The following B3GAT2 variants were observed in gnomAD, a reference collection of about 807,000 sequenced individuals.
The protein encoded by B3GAT2 is beta-1,3-glucuronyltransferase 2, also known as galactosylgalactosylxylosylprotein 3-beta-glucuronosyltransferase 2.
Under a neutral mutation model 27.8 loss-of-function variants are expected in B3GAT2, and 26 were observed. That is an observed-to-expected ratio of 0.93 (90% CI 0.68 to 1.30). B3GAT2 has a LOEUF of 1.30. B3GAT2 is among the 50% of genes most tolerant of loss of function. B3GAT2 has a pLI of 0.00. For missense variants in B3GAT2, 458 were observed against 459.0 expected (o/e 1.00, Z 0.02); for synonymous variants, 218 against 195.1 (o/e 1.12, Z -0.98).
At chr6:70,937,879 CAT>C (rs1487081388) in intron 1 of B3GAT2, among the ~76,000 whole-genome samples, 1 of 152,086 alleles carries the variant, frequency 6.6e-6, no homozygotes, top group East Asian at 1.9e-4. Context: ...TCCTATTCAA[CAT>C]AGTGTTGGAA....
In B3GAT2 at chr6:70,944,212, AGACAGTGGGCGCAG is replaced by A. The variant is rs554661915; in HGVS notation, c.591+11613_591+11626del. 6.4e-3 allele frequency among the ~76,000 whole-genome samples: 974 copies of A among 152,268 alleles called. 6 individuals are homozygous for A. Among genetic ancestry groups the A allele is most frequent in the Non-Finnish European group, 0.011 (768 of 68,024 alleles). The stretch of plus-strand genomic sequence containing the variant: ...CGGGTTCATCTCACTAGGGAGTGCC[AGACAGTGGGCGCAG>A]GACAGTGGGTGCAGCACACCGTGCC... On this transcript the variant is annotated intron_variant, in intron 1 of 3. Transcript: ENST00000230053.
intron 2 of B3GAT2, among the ~76,000 whole-genome samples, chr6:70,863,171 T>C (rs778864048): frequency 1.1e-4 from 17 of 152,192 alleles, no homozygotes; most frequent in Non-Finnish European, 2.2e-4. Context: ...GAGTTGAAGC[T>C]CCGGGCACCA....
At chr6:70,945,659 T>C (rs879079131) in intron 1 of B3GAT2, among the ~76,000 whole-genome samples, 1 of 147,418 alleles carries the variant, frequency 6.8e-6, no homozygotes, top group Non-Finnish European at 1.5e-5. Flanking sequence ...CACGATATTA[T>C]CCAGGAGAAT....
At chr6:70,955,770 A>G (rs9455275) in intron 1 of B3GAT2, 69 bp downstream of exon 1, 635,707 of 1,464,124 alleles carry the variant, frequency 0.43, 141,133 homozygotes, top group Admixed American at 0.62. Context: ...GGGGCGTGTG[A>G]CTGCAGCCCG....
chr6:70,912,109 G>A (rs1772698257), intron 1 of B3GAT2, among the ~76,000 whole-genome samples: 1 of 151,944 alleles, frequency 6.6e-6, no homozygotes, highest in South Asian at 2.1e-4. Flanking sequence ...TTCCTATTTG[G>A]ATGCCTTTTC....
chr6:70,925,378 G>C (rs1380606440), intron 1 of B3GAT2, among the ~76,000 whole-genome samples: 1 of 152,320 alleles, frequency 6.6e-6, no homozygotes, highest in East Asian at 1.9e-4. Context: ...CAAGGGGTCA[G>C]GGAATTCCCT....
intron 2 of B3GAT2, among the ~76,000 whole-genome samples, chr6:70,882,136 G>A (rs1017307328): frequency 6.6e-6 from 1 of 152,190 alleles, no homozygotes; most frequent in Non-Finnish European, 1.5e-5. Context: ...GGAAGACAAC[G>A]AGGAAAGCTT....
At chr6:70,897,931 G>A (rs909889112) in intron 1 of B3GAT2, among the ~76,000 whole-genome samples, 5 of 151,944 alleles carry the variant, frequency 3.3e-5, no homozygotes, top group African/African-American at 1.2e-4. Context: ...TATATGTATG[G>A]GTTTATTTCT....
intron 1 of B3GAT2, among the ~76,000 whole-genome samples, chr6:70,924,989 C>A (rs372448321): frequency 6.6e-6 from 1 of 152,238 alleles, no homozygotes; most frequent in Admixed American, 6.5e-5. Context: ...CAGGCTTTTG[C>A]AATTCTGACA....
chr6:70,952,720 A>G (rs1765596422), intron 1 of B3GAT2, among the ~76,000 whole-genome samples: 1 of 152,174 alleles, frequency 6.6e-6, no homozygotes. Flanking sequence ...TCTCCAATGA[A>G]CAGGCCCATT....
chr6:70,903,751 G>A (rs1280530971), intron 1 of B3GAT2, among the ~76,000 whole-genome samples: 1 of 151,906 alleles, frequency 6.6e-6, no homozygotes, highest in Non-Finnish European at 1.5e-5. Context: ...ACCAAGAGCT[G>A]ATGACAATGT....
chr6:70,945,932 A>C (rs571444449), intron 1 of B3GAT2, among the ~76,000 whole-genome samples: 14 of 152,124 alleles, frequency 9.2e-5, no homozygotes, highest in African/African-American at 3.1e-4. Flanking sequence ...AATCTTAAAG[A>C]AAAGAATTTT....
intron 1 of B3GAT2, among the ~76,000 whole-genome samples, chr6:70,937,465 A>C (rs1765310510): frequency 6.6e-6 from 1 of 152,116 alleles, no homozygotes; most frequent in Non-Finnish European, 1.5e-5. Flanking sequence ...AGAATTTTAG[A>C]CCAATATCCT....
intron 2 of B3GAT2, among the ~76,000 whole-genome samples, chr6:70,872,436 T>C (rs1156717048): frequency 6.6e-6 from 1 of 151,950 alleles, no homozygotes; most frequent in Non-Finnish European, 1.5e-5. Context: ...TTATAACTTT[T>C]TTTTGGTCTC....
intron 2 of B3GAT2, among the ~76,000 whole-genome samples, chr6:70,883,265 T>A (rs1334897852): frequency 6.6e-6 from 1 of 152,198 alleles, no homozygotes; most frequent in Non-Finnish European, 1.5e-5. Context: ...AACAGATATC[T>A]GTGCACCAAT....
chr6:70,956,039 C>T lies in B3GAT2; in HGVS notation c.391G>A (p.Ala131Thr), dbSNP rs765020213. ...TGAGTGCTGGGCAGCCCGGCCCGCG[C>T]CAGGAAGCGGCTCACCAGCTCGCTG... ...ARSELVSRFL[A>T]RAGLPSTHLH... The change falls in exon 1 of 4, where the codon GCG becomes ACG. Residue 131 changes from alanine to threonine, a missense_variant. Ala to Thr is a moderately conservative substitution (Grantham distance 58). Coordinates refer to ENST00000230053, the MANE Select transcript of B3GAT2 (RefSeq NM_080742.3). 3.2e-6 allele frequency: 5 copies of T among 1,563,894 alleles called. No individual in the cohort carries two copies. The highest frequency in any genetic ancestry group is 2.4e-5 in the East Asian group (1 of 41,632).
intron 2 of B3GAT2, among the ~76,000 whole-genome samples, chr6:70,891,736 T>C (rs1251659119): frequency 6.7e-6 from 1 of 148,758 alleles, no homozygotes; most frequent in African/African-American, 2.5e-5. Flanking sequence ...GTAGAGCTCC[T>C]CAGAGCTCAG....
In B3GAT2 at chr6:70,894,212, C is replaced by T. The variant is rs746022699; in HGVS notation, c.652G>A (p.Glu218Lys). Residue 218 changes from glutamate to lysine, a missense_variant, in exon 2 of 4, where the codon GAA becomes AAA. By Grantham distance (56) the Glu-to-Lys change is moderately conservative. Transcript: ENST00000230053. ...PVGLVGGRRY[E>K]RPLVENGKVV... is the part of the protein sequence containing the mutation. The stretch of plus-strand genomic sequence containing the variant: ...TTGCCGTTTTCCACCAGCGGACGTT[C>T]GTAGCGCCGCCCACCAACCAGGCCC... 2.5e-6 allele frequency: 4 copies of T among 1,613,876 alleles called. No homozygotes were observed. The highest frequency in any genetic ancestry group is 2.2e-5 in the South Asian group (2 of 91,020).
Position 70,956,543 on chromosome 6 carries a change from G to C in B3GAT2, c.-114C>G. On this transcript the variant is annotated 5_prime_UTR_variant, in exon 1 of 4. Coordinates refer to ENST00000230053, the MANE Select transcript of B3GAT2 (RefSeq NM_080742.3). ...CTTAGGGAGTGGTGATGGGTGCGCTGTCCATGGGGCCGAGGGCGCTGCAGA... is the reference window on the plus strand; with the variant it reads ...CTTAGGGAGTGGTGATGGGTGCGCTCTCCATGGGGCCGAGGGCGCTGCAGA... 2.7e-6 allele frequency: 4 copies of C among 1,507,918 alleles called. No homozygotes were observed. Among genetic ancestry groups the C allele is most frequent in the Non-Finnish European group, 2.7e-6 (3 of 1,130,722 alleles). 93.4% of individuals were successfully genotyped at this position (1,507,918 alleles called of 1,614,324 possible).
Sources: gnomAD v4.1 joint callset for allele counts (sites outside exome capture counted in the v4.1 genomes callset) on GRCh38, gnomAD v4.1.1 for gene constraint, MANE v1.5 for transcripts, NCBI Gene and HGNC (gene_info 2026-07-23, HGNC 2026-07-21) for gene names.